The following CSMD3 variants were observed in gnomAD, a reference collection of about 807,000 sequenced individuals.
CSMD3 encodes the protein CUB and sushi domain-containing protein 3.
Under a neutral mutation model 435.2 loss-of-function variants are expected in CSMD3, and 177 were observed. That is an observed-to-expected ratio of 0.41 (90% confidence interval 0.36 to 0.46). The LOEUF (loss-of-function observed/expected upper bound fraction) is 0.46, where lower values mean the gene tolerates loss of function less well. Among genes scored for constraint, CSMD3 ranks in the 20% least tolerant of loss-of-function variants. The pLI is 0.34. For synonymous variants in CSMD3, 1,656 were observed against 1,520.5 expected (o/e 1.09, Z -2.07); for missense variants, 4,265 against 4,504.6 (o/e 0.95, Z 1.52).
At position 112,556,748 on chromosome 8, in the gene CSMD3, A is replaced by T. The variant is rs377705591; in HGVS notation, c.4234+15T>A. On this transcript the variant is annotated intron_variant, in intron 25 of 70. Transcript: ENST00000297405. ...TCACAGAAATATTCAATGAAAATCTATGACAGTATCCTACCAATACAGGAA... is the reference window on the plus strand; with the variant it reads ...TCACAGAAATATTCAATGAAAATCTTTGACAGTATCCTACCAATACAGGAA... 6.3e-7 allele frequency: 1 copy of T among 1,587,294 alleles called. No individual in the cohort carries two copies. The highest frequency in any genetic ancestry group is 8.6e-7 in the Non-Finnish European group (1 of 1,156,214).
intron 1 of CSMD3, among the ~76,000 whole-genome samples, chr8:113,349,750 T>C (rs1175768669): frequency 6.6e-6 from 1 of 152,164 alleles, no homozygotes; most frequent in African/African-American, 2.4e-5. Flanking sequence ...GGAGAATATC[T>C]ACTTTCAGAA....
chr8:112,392,864 CTTTTTTTTT>C (rs56809581), intron 35 of CSMD3, among the ~76,000 whole-genome samples: 7 of 122,168 alleles, frequency 5.7e-5, no homozygotes, highest in East Asian at 2.3e-4. Flanking sequence ...TCTTTTTTTT[CTTTTTTTTT>C]TTTTTTTTTT....
At chr8:113,313,739 T>C (rs2093888205) in intron 2 of CSMD3, 1 of 152,186 alleles carries the variant, frequency 6.6e-6, no homozygotes, top group Non-Finnish European at 1.5e-5. Context: ...TGTTACCTTC[T>C]TAGACTATTT....
intron 3 of CSMD3, among the ~76,000 whole-genome samples, chr8:113,234,351 G>A (rs939067317): frequency 6.6e-6 from 1 of 152,060 alleles, no homozygotes; most frequent in Non-Finnish European, 1.5e-5. Context: ...ACTCAAAGCA[G>A]AATGATGATG....
At chr8:112,965,172 C>G (rs1290983148) in intron 7 of CSMD3, among the ~76,000 whole-genome samples, 1 of 151,918 alleles carries the variant, frequency 6.6e-6, no homozygotes, top group Non-Finnish European at 1.5e-5. Flanking sequence ...AGTCTAGCCC[C>G]ATCAAAATAT....
intron 22 of CSMD3, among the ~76,000 whole-genome samples, chr8:112,628,651 CT>C (rs1563786035): frequency 1.3e-5 from 2 of 152,108 alleles, no homozygotes; most frequent in African/African-American, 4.8e-5. Flanking sequence ...ATATTCATTT[CT>C]TTATCAACTC....
At chr8:113,063,849 G>T (rs1050505965) in intron 5 of CSMD3, among the ~76,000 whole-genome samples, 3 of 151,530 alleles carry the variant, frequency 2.0e-5, no homozygotes, top group Non-Finnish European at 3.0e-5. Context: ...AATTCACAAT[G>T]AATTCAAATA....
intron 1 of CSMD3, among the ~76,000 whole-genome samples, chr8:113,402,836 G>C (rs2094516042): frequency 6.6e-6 from 1 of 151,136 alleles, no homozygotes; most frequent in African/African-American, 2.4e-5. Flanking sequence ...TAATTTATTA[G>C]GAAACAAAAT....
chr8:112,789,261 C>T (rs1333572324), intron 13 of CSMD3, among the ~76,000 whole-genome samples: 2 of 151,974 alleles, frequency 1.3e-5, no homozygotes, highest in African/African-American at 4.8e-5. Context: ...TAAGATATCT[C>T]AGTTTACTAC....
intron 27 of CSMD3, among the ~76,000 whole-genome samples, chr8:112,535,341 G>T (rs554510327): frequency 6.6e-6 from 1 of 152,052 alleles, no homozygotes; most frequent in African/African-American, 2.4e-5. Context: ...TACAAAATCA[G>T]TGTACAAAAA....
chr8:113,074,403 A>C (rs932901906), intron 5 of CSMD3, among the ~76,000 whole-genome samples: 13 of 151,934 alleles, frequency 8.6e-5, no homozygotes, highest in African/African-American at 3.1e-4. Context: ...AAGTTATTTC[A>C]ATTTGGAAAC....
chr8:113,045,668 T>C (rs1401453399), intron 5 of CSMD3, among the ~76,000 whole-genome samples: 1 of 149,570 alleles, frequency 6.7e-6, no homozygotes, highest in Admixed American at 6.6e-5. Context: ...CACTGGGAAC[T>C]GGAGTGTGGT....
intron 38 of CSMD3, among the ~76,000 whole-genome samples, chr8:112,368,060 C>T (rs540568113): frequency 1.3e-5 from 2 of 152,098 alleles, no homozygotes; most frequent in Non-Finnish European, 2.9e-5. Flanking sequence ...CATCAAATGG[C>T]AGCGTCAAGA....
chr8:112,369,705 C>T (rs368574325), intron 38 of CSMD3, among the ~76,000 whole-genome samples: 4 of 151,706 alleles, frequency 2.6e-5, no homozygotes, highest in African/African-American at 7.3e-5. Flanking sequence ...CATACCAGGG[C>T]CTGTTGGGAG....
intron 10 of CSMD3, among the ~76,000 whole-genome samples, chr8:112,903,151 C>CAAAAAAAAAAA (rs763330055): frequency 9.3e-5 from 5 of 53,768 alleles, no homozygotes; most frequent in Admixed American, 2.8e-4. Flanking sequence ...GCAGTCTTGG[C>CAAAAAAAAAAA]AAAAAAAAAA....
At position 112,336,670 on chromosome 8, in the gene CSMD3, T is replaced by C; in HGVS notation, c.7001A>G (p.Tyr2334Cys). Residue 2334 changes from tyrosine (Y) to cysteine (C), a missense_variant, in exon 44 of 71, where the codon TAT (tyrosine) becomes TGT (cysteine). Physicochemically the swap from Tyr to Cys is radical, Grantham distance 194. Coordinates refer to ENST00000297405, the MANE Select transcript of CSMD3 (RefSeq NM_198123.2). ...GACTTACCATACAGTAATGAAATCA[T>C]ATATTGGTTCTGTTTGAAGGACAGT... ...NFTVLQTEPI[Y>C]DFITVWDGPD... 1 of 1,611,204 alleles carries C rather than the reference T, an allele frequency of 6.2e-7. No individual in the cohort carries two copies. The highest frequency in any genetic ancestry group is 1.1e-5 in the South Asian group (1 of 91,022).
chr8:112,682,666 C>G (rs371436373), intron 15 of CSMD3, 30 bp from the exon 16 acceptor site: 2 of 1,416,226 alleles, frequency 1.4e-6, no homozygotes, highest in Non-Finnish European at 2.0e-6. Context: ...GAAAAATACA[C>G]AAACAAACAA....
chr8:113,125,789 G>A (rs1377329132), intron 4 of CSMD3, among the ~76,000 whole-genome samples: 2 of 151,908 alleles, frequency 1.3e-5, no homozygotes, highest in Non-Finnish European at 2.9e-5. Context: ...ATGAGTTTTG[G>A]AGGACTGGAT....
chr8:112,819,146 T>C (rs2079459212), intron 12 of CSMD3, among the ~76,000 whole-genome samples: 1 of 152,038 alleles, frequency 6.6e-6, no homozygotes, highest in Non-Finnish European at 1.5e-5. Flanking sequence ...CTAGGTGCAA[T>C]GAAAGGCTGT....
Sources: allele counts gnomAD v4.1 joint callset (sites outside exome capture counted in the v4.1 genomes callset), GRCh38; gene constraint gnomAD v4.1.1; transcripts MANE v1.5; gene names NCBI Gene and HGNC (gene_info 2026-07-23, HGNC 2026-07-21).